HTR4: variants seen among roughly 807,000 people sequenced by gnomAD.
HTR4 encodes the protein 5-hydroxytryptamine (serotonin) receptor 4, G protein-coupled.
In HTR4, 16 loss-of-function variants were observed where a neutral mutation model predicts 36.8. The observed-to-expected ratio is 0.43, with a 90% CI of 0.29 to 0.66. The LOEUF (loss-of-function observed/expected upper bound fraction) is 0.66, where lower values mean the gene tolerates loss of function less well. Among genes scored for constraint, HTR4 ranks in the 30% least tolerant of loss-of-function variants. The pLI, the probability that HTR4 is intolerant of heterozygous loss-of-function variation, is 0.13. For synonymous variants in HTR4, 189 were observed against 185.1 expected (o/e 1.02, Z -0.17); for missense variants, 438 against 490.9 (o/e 0.89, Z 1.02).
At chr5:148,602,320 A>G (rs1762027843) in intron 2 of HTR4, among the ~76,000 whole-genome samples, 1 of 152,172 alleles carries the variant, frequency 6.6e-6, no homozygotes, top group Non-Finnish European at 1.5e-5. Context: ...AAAGTAGTTT[A>G]AAAAATAACT....
chr5:148,568,725 T>C (rs1018930571), intron 2 of HTR4, among the ~76,000 whole-genome samples: 1 of 152,172 alleles, frequency 6.6e-6, no homozygotes, highest in Admixed American at 6.6e-5. Context: ...GAGGACACAT[T>C]AGTAAAGCTT....
rs185104304 is a variant in HTR4 at position 148,563,057 on chromosome 5, A to G, written c.27-12795T>C. Among the ~76,000 whole-genome samples the G allele has an allele frequency of 2.2e-3, 339 of 152,282 alleles. 2 individuals carry two copies. Among genetic ancestry groups the G allele is most frequent in the African/African-American group, 7.9e-3 (329 of 41,564 alleles). ...TATCACTTCCATACTCACTGCCCTT[A>G]AGATGGCTTGTCATCTCACTAGGAG... On this transcript the variant is annotated intron_variant, in intron 2 of 6. Coordinates refer to ENST00000377888, the MANE Select transcript of HTR4 (RefSeq NM_000870.7).
intron 2 of HTR4, among the ~76,000 whole-genome samples, chr5:148,608,803 C>T (rs1581538912): frequency 6.6e-6 from 1 of 152,182 alleles, no homozygotes; most frequent in Non-Finnish European, 1.5e-5. Context: ...AGAGATGATA[C>T]TGTTCTAAAT....
chr5:148,579,665 A>G (rs1761060609), intron 2 of HTR4, among the ~76,000 whole-genome samples: 1 of 152,002 alleles, frequency 6.6e-6, no homozygotes, highest in Non-Finnish European at 1.5e-5. Context: ...TTCAGCTCAC[A>G]TGATTGTGGG....
intron 1 of HTR4, among the ~76,000 whole-genome samples, chr5:148,639,273 A>G (rs1753649524): frequency 6.6e-6 from 1 of 152,008 alleles, no homozygotes; most frequent in Non-Finnish European, 1.5e-5. Flanking sequence ...TATCACACTT[A>G]GCATACAATC....
intron 6 of HTR4, among the ~76,000 whole-genome samples, chr5:148,504,941 C>A (rs1757122875): frequency 6.6e-6 from 1 of 152,072 alleles, no homozygotes; most frequent in African/African-American, 2.4e-5. Flanking sequence ...AAGACTAAAC[C>A]AGGAAGAAGT....
intron 2 of HTR4, among the ~76,000 whole-genome samples, chr5:148,625,689 G>A (rs759558676): frequency 3.3e-5 from 5 of 151,844 alleles, no homozygotes; most frequent in Admixed American, 6.6e-5. Context: ...CAAGCGATTC[G>A]CCTGCCCCAG....
chr5:148,537,859 A>T (rs560577697), intron 4 of HTR4, among the ~76,000 whole-genome samples: 1 of 152,168 alleles, frequency 6.6e-6, no homozygotes, highest in Admixed American at 6.6e-5. Context: ...ATTGAGGAGG[A>T]GAGACTCCTC....
chr5:148,506,162 G>A (rs1757196327), intron 6 of HTR4, among the ~76,000 whole-genome samples: 1 of 152,022 alleles, frequency 6.6e-6, no homozygotes, highest in African/African-American at 2.4e-5. Flanking sequence ...CATGGTACTG[G>A]GACTAAAACA....
Position 148,596,349 on chromosome 5 carries a change from G to A in HTR4, c.26+40640C>T, listed in dbSNP as rs569873301. Among the ~76,000 whole-genome samples, 4 of 152,086 alleles carry A rather than the reference G, an allele frequency of 2.6e-5. 1 individual carries two copies. In the South Asian group the frequency reaches 8.3e-4, roughly 32 times the overall value. On this transcript the variant is annotated intron_variant, in intron 2 of 6. Coordinates refer to ENST00000377888, the MANE Select transcript of HTR4 (RefSeq NM_000870.7). Reference sequence around the variant, plus strand: ...CTTCCAGAAGCAAACCTCAAATTTGGTTACTCTCCAACTTCAACTCTGGAT... The same window carrying A: ...CTTCCAGAAGCAAACCTCAAATTTGATTACTCTCCAACTTCAACTCTGGAT...
intron 2 of HTR4, among the ~76,000 whole-genome samples, chr5:148,573,221 G>A (rs117855229): frequency 2.6e-5 from 4 of 152,100 alleles, no homozygotes; most frequent in African/African-American, 9.7e-5. Context: ...CAATTCAATT[G>A]TATAGCTGAA....
chr5:148,480,193 G>A (rs559533188), downstream of HTR4, among the ~76,000 whole-genome samples: 11 of 152,238 alleles, frequency 7.2e-5, no homozygotes, highest in African/African-American at 2.6e-4. Flanking sequence ...AGTTATATGA[G>A]AAGTTACGCT....
At chr5:148,582,939 C>T (rs1761197376) in intron 2 of HTR4, among the ~76,000 whole-genome samples, 1 of 151,880 alleles carries the variant, frequency 6.6e-6, no homozygotes, top group Admixed American at 6.6e-5. Flanking sequence ...CTTCTCCTGC[C>T]TAATTGCCCT....
At chr5:148,613,811 C>A (rs563123272) in intron 2 of HTR4, among the ~76,000 whole-genome samples, 141 of 151,580 alleles carry the variant, frequency 9.3e-4, no homozygotes, top group African/African-American at 3.3e-3. Context: ...TCTCCTTAAG[C>A]TGATAAGCAA....
At chr5:148,487,704 A>G (rs1756230034) in intron 6 of HTR4, among the ~76,000 whole-genome samples, 1 of 151,878 alleles carries the variant, frequency 6.6e-6, no homozygotes, top group South Asian at 2.1e-4. Context: ...GAGACAGTAG[A>G]GAGAGCGAGC....
At chr5:148,601,771 G>A (rs181522925) in intron 2 of HTR4, among the ~76,000 whole-genome samples, 11 of 152,174 alleles carry the variant, frequency 7.2e-5, no homozygotes, top group African/African-American at 1.4e-4. Context: ...GCCACACTCC[G>A]GCCTGGGAGA....
chr5:148,521,683 G>A (rs1758027731), intron 5 of HTR4, among the ~76,000 whole-genome samples: 1 of 152,070 alleles, frequency 6.6e-6, no homozygotes, highest in Non-Finnish European at 1.5e-5. Flanking sequence ...TTTATCTGGA[G>A]AACCAATACA....
In HTR4 at chr5:148,481,579, ATCTTC is replaced by A; in HGVS notation, c.*1619_*1623del. 18 of 1,526,182 alleles carry A rather than the reference ATCTTC, an allele frequency of 1.2e-5. No homozygotes were observed. Among genetic ancestry groups the A allele is most frequent in the Non-Finnish European group, 1.4e-5 (16 of 1,144,636 alleles). 94.5% of individuals were successfully genotyped at this position (1,526,182 alleles called of 1,614,324 possible). ...TTTTGGCATTTGGATGGTTTGGTCAATCTTCTCTTCCTTATTCCAAAGTTTCTTCC... is the reference window on the plus strand; with the variant it reads ...TTTTGGCATTTGGATGGTTTGGTCAATCTTCCTTATTCCAAAGTTTCTTCC... On this transcript the variant is annotated 3_prime_UTR_variant, in exon 7 of 7. Coordinates refer to ENST00000377888, the MANE Select transcript of HTR4 (RefSeq NM_000870.7).
chr5:148,621,193 A>G (rs1752905804), intron 2 of HTR4, among the ~76,000 whole-genome samples: 1 of 152,242 alleles, frequency 6.6e-6, no homozygotes, highest in Non-Finnish European at 1.5e-5. Context: ...ATGTCTTCCA[A>G]TTCCTAACAA....
Sources: gnomAD v4.1 joint callset for allele counts (sites outside exome capture counted in the v4.1 genomes callset) on GRCh38, gnomAD v4.1.1 for gene constraint, MANE v1.5 for transcripts, NCBI Gene and HGNC (gene_info 2026-07-23, HGNC 2026-07-21) for gene names.